Variants in HTR6 observed in about 807,000 individuals in gnomAD.
HTR6 encodes the protein 5-hydroxytryptamine receptor 6.
Under a neutral mutation model 17.4 loss-of-function variants are expected in HTR6, and 15 were observed. That is an observed-to-expected ratio of 0.86 (90% CI 0.58 to 1.33). The LOEUF is 1.33. HTR6 is among the 40% of genes most tolerant of loss of function. The pLI is 0.00. For synonymous variants in HTR6, 326 were observed against 295.5 expected (o/e 1.10, Z -1.06); for missense variants, 578 against 616.0 (o/e 0.94, Z 0.65).
intron 2 of HTR6, 31 bp downstream of exon 2, chr1:19,678,756 G>A (rs558171153): frequency 1.9e-5 from 31 of 1,591,098 alleles, no homozygotes; most frequent in South Asian, 1.5e-4. Context: ...AGGTGAGTCC[G>A]GCCCTTGCAG....
chr1:19,676,869 C>T (rs754953672), intron 1 of HTR6, among the ~76,000 whole-genome samples: 6 of 152,228 alleles, frequency 3.9e-5, no homozygotes, highest in Non-Finnish European at 8.8e-5. Context: ...ATCCCAGTGC[C>T]GGGAAAATCC....
rs2095099097 is a variant in HTR6 at position 19,679,521 on chromosome 1, A to G, written c.*153A>G. The G allele has an allele frequency of 1.8e-6, 2 of 1,126,682 alleles. No individual in the cohort carries two copies. Among genetic ancestry groups the G allele is most frequent in the Non-Finnish European group, 2.4e-6 (2 of 821,576 alleles). The allele number at this position is 1,126,682 out of a possible 1,614,324, so 69.8% of individuals were successfully genotyped here. On this transcript the variant is annotated 3_prime_UTR_variant, in exon 3 of 3. Coordinates refer to ENST00000289753, the MANE Select transcript of HTR6 (RefSeq NM_000871.3). The surrounding 1 kb of genome is among the most constrained non-coding windows in gnomAD (Gnocchi z 4.9). ...TGCGCAGAGCTGACCCCCTGCTGCC[A>G]TCTCCAGGCCCCTTACCTGCAGGGA...
intron 1 of HTR6, among the ~76,000 whole-genome samples, chr1:19,669,359 C>G (rs186673487): frequency 1.3e-5 from 2 of 152,300 alleles, no homozygotes; most frequent in East Asian, 1.9e-4. Flanking sequence ...AGGCACTGAG[C>G]TAAACTTATT....
chr1:19,670,544 A>T (rs2100470676), intron 1 of HTR6, among the ~76,000 whole-genome samples: 1 of 149,262 alleles, frequency 6.7e-6, no homozygotes, highest in Non-Finnish European at 1.5e-5. Flanking sequence ...GGCCCACTGC[A>T]ACCTCCGCTT....
At chr1:19,667,963 C>A (rs1192923325) in intron 1 of HTR6, among the ~76,000 whole-genome samples, 2 of 144,124 alleles carry the variant, frequency 1.4e-5, no homozygotes, top group African/African-American at 5.6e-5. Context: ...CACATGGGGA[C>A]TTGGCAGAGG....
In HTR6 at chr1:19,665,590, C is replaced by A. The variant is rs1170922126; in HGVS notation, c.-164C>A. On this transcript the variant is annotated 5_prime_UTR_variant, in exon 1 of 3. Transcript: ENST00000289753. This position sits in a 1 kb window ranked among gnomAD's most constrained non-coding sequence, Gnocchi z 4.2. ...GTAGTCGCTGCCCCCTGACCTAGCG[C>A]GACCCAGCGCCCCCGCCCATGTCCC... is the stretch of plus-strand genomic sequence containing the variant. 13 of 540,000 alleles carry A rather than the reference C, an allele frequency of 2.4e-5. 1 individual carries two copies. The South Asian group carries it at 4.3e-4, about 18-fold the overall frequency. 33.5% of individuals were successfully genotyped at this position (540,000 alleles called of 1,614,324 possible).
intron 1 of HTR6, among the ~76,000 whole-genome samples, chr1:19,677,215 GGTTTGT>G (rs772263304): frequency 6.9e-6 from 1 of 145,696 alleles, no homozygotes; most frequent in Non-Finnish European, 1.5e-5. Context: ...TCTGGGGAGA[GGTTTGT>G]GTGTGTGTGT....
chr1:19,674,172 C>T (rs959158167), intron 1 of HTR6, among the ~76,000 whole-genome samples: 2 of 151,964 alleles, frequency 1.3e-5, no homozygotes, highest in East Asian at 3.9e-4. Context: ...CTAGCCCTTC[C>T]GGGTCATTTT....
At chr1:19,675,850 T>G (rs1381699646) in intron 1 of HTR6, among the ~76,000 whole-genome samples, 2 of 152,030 alleles carry the variant, frequency 1.3e-5, no homozygotes, top group African/African-American at 4.8e-5. Context: ...GACCATGGTG[T>G]GGTCACAAAA....
At chr1:19,675,271 A>G (rs1045181466) in intron 1 of HTR6, among the ~76,000 whole-genome samples, 1 of 152,140 alleles carries the variant, frequency 6.6e-6, no homozygotes, top group Non-Finnish European at 1.5e-5. Flanking sequence ...GACAATGCCT[A>G]CCTCTCATAA....
At chr1:19,669,258 G>T (rs1035979496) in intron 1 of HTR6, among the ~76,000 whole-genome samples, 1 of 152,140 alleles carries the variant, frequency 6.6e-6, no homozygotes, top group African/African-American at 2.4e-5. Context: ...TACTAGGATT[G>T]AACCTGAGTC....
At chr1:19,678,832 G>A in intron 2 of HTR6, 87 bp from the exon 3 acceptor site, 1 of 1,555,964 alleles carries the variant, frequency 6.4e-7, no homozygotes, top group Non-Finnish European at 8.7e-7. Flanking sequence ...CGTGGTGCGT[G>A]TGTGTGTGTG....
chr1:19,676,870 G>A (rs778773656), intron 1 of HTR6, among the ~76,000 whole-genome samples: 8 of 152,210 alleles, frequency 5.3e-5, no homozygotes, highest in African/African-American at 9.7e-5. Flanking sequence ...TCCCAGTGCC[G>A]GGAAAATCCC....
intron 1 of HTR6, among the ~76,000 whole-genome samples, chr1:19,667,670 GT>G (rs960477796): frequency 6.6e-6 from 1 of 152,132 alleles, no homozygotes; most frequent in African/African-American, 2.4e-5. Context: ...GATCCCCACT[GT>G]GCATAGTAGG....
chr1:19,679,315 G>A lies in HTR6; in HGVS notation c.1270G>A (p.Asp424Asn), dbSNP rs200119648. The A allele has an allele frequency of 1.8e-5, 29 of 1,606,542 alleles. No individual in the cohort carries two copies. Among genetic ancestry groups the A allele is most frequent in the African/African-American group, 4.0e-5 (3 of 74,726 alleles). The change falls in exon 3 of 3, where the codon GAC (aspartate) becomes AAC (asparagine). Residue 424 changes from aspartate (D) to asparagine (N), a missense_variant. Transcript: ENST00000289753. This position sits in a 1 kb window ranked among gnomAD's most constrained non-coding sequence, Gnocchi z 4.9. ...AAAAVNFFNI[D>N]PAEPELRPHP... The stretch of plus-strand genomic sequence containing the variant: ...TGCCGCCGTCAATTTCTTCAACATC[G>A]ACCCCGCGGAGCCCGAGCTGCGGCC...
At chr1:19,674,661 C>T (rs1406044216) in intron 1 of HTR6, among the ~76,000 whole-genome samples, 1 of 152,242 alleles carries the variant, frequency 6.6e-6, no homozygotes, top group African/African-American at 2.4e-5. Flanking sequence ...CCACCTTGGC[C>T]TCCCAAAGGG....
intron 1 of HTR6, among the ~76,000 whole-genome samples, chr1:19,669,925 T>A (rs1161001426): frequency 6.6e-6 from 1 of 151,926 alleles, no homozygotes; most frequent in Non-Finnish European, 1.5e-5. Context: ...CGTGAGCCAC[T>A]GCGCCTGGCC....
At position 19,678,703 on chromosome 1, in the gene HTR6, T is replaced by A. The variant is rs766123991; in HGVS notation, c.851T>A (p.Phe284Tyr). ...ATGTTCTTTGTGACCTGGTTGCCCT[T>A]CTTTGTGGCCAACATAGTCCAGGTA... is the stretch of plus-strand genomic sequence containing the variant. ...LGMFFVTWLP[F>Y]FVANIVQAVC... Residue 284 changes from phenylalanine to tyrosine, a missense_variant, in exon 2 of 3, where the codon TTC becomes TAC. Transcript: ENST00000289753. 5.6e-6 allele frequency: 9 copies of A among 1,612,186 alleles called. No individual in the cohort carries two copies. The highest frequency in any genetic ancestry group is 1.7e-4 in the Middle Eastern group (1 of 6,000).
rs1263598667 is a variant in HTR6, at chr1:19,672,872, T to C, written c.715-5695T>C. On this transcript the variant is annotated intron_variant, in intron 1 of 2. Coordinates refer to ENST00000289753, the MANE Select transcript of HTR6 (RefSeq NM_000871.3). ...TAGCGAGCTCCTGTCTCTAAAAATATATATAAAAAATTAGCCAGGCCTGGT... is the reference window on the plus strand; with the variant it reads ...TAGCGAGCTCCTGTCTCTAAAAATACATATAAAAAATTAGCCAGGCCTGGT... Among the ~76,000 whole-genome samples, 5 of 151,984 alleles carry C rather than the reference T, an allele frequency of 3.3e-5. No individual in the cohort carries two copies. The East Asian group carries it at 7.7e-4, about 23-fold the overall frequency.
Sources: gnomAD v4.1 joint callset for allele counts (sites outside exome capture counted in the v4.1 genomes callset) on GRCh38, gnomAD v4.1.1 for gene constraint, Gnocchi (gnomAD v3.1) non-coding constraint, MANE v1.5 for transcripts, NCBI Gene and HGNC (gene_info 2026-07-23, HGNC 2026-07-21) for gene names.